PDE8B: variants seen among roughly 807,000 people sequenced by gnomAD.
PDE8B encodes high affinity cAMP-specific and IBMX-insensitive 3',5'-cyclic phosphodiesterase 8B.
A neutral mutation model predicts 101.3 loss-of-function variants in PDE8B; 26 were observed. The ratio of observed to expected loss-of-function variants is 0.26; its 90% confidence interval spans 0.19 to 0.36. The LOEUF (loss-of-function observed/expected upper bound fraction) is 0.36. PDE8B is among the 10% of genes least tolerant of loss of function. The probability of loss-of-function intolerance (pLI) is 1.00; values close to 1 mark genes in which losing one functional copy is unlikely to be tolerated. For synonymous variants in PDE8B, 424 were observed against 429.3 expected (o/e 0.99, Z 0.15); for missense variants, 810 against 1,163.1 (o/e 0.70, Z 4.42).
At chr5:77,187,097 C>A in the PDE8B span, among the ~76,000 whole-genome samples, 33 of 152,184 alleles carry the variant, frequency 2.2e-4, no homozygotes, top group African/African-American at 7.7e-4. Flanking sequence ...ATGTTTTCAA[C>A]ATTTGTTGAA....
the PDE8B span, chr5:77,100,310 G>A: frequency 6.6e-6 from 1 of 152,216 alleles, no homozygotes; most frequent in Non-Finnish European, 1.5e-5. Context: ...TGCAATTTCT[G>A]TTAACATGCA....
chr5:77,293,070 C>T (rs1041122975), intron 1 of PDE8B, among the ~76,000 whole-genome samples: 1 of 151,864 alleles, frequency 6.6e-6, no homozygotes, highest in Non-Finnish European at 1.5e-5. Flanking sequence ...TATAGTTAAC[C>T]AGTTATCTCA....
chr5:77,097,689 ATATCTATATATATATATC>A, the PDE8B span, among the ~76,000 whole-genome samples: 1,098 of 23,216 alleles, frequency 0.047, 82 homozygotes, highest in African/African-American at 0.1. Context: ...GAGATTTTAT[ATATCTATATATATATATC>A]TATATATATA....
chr5:77,259,399 C>A (rs889300895), intron 1 of PDE8B, among the ~76,000 whole-genome samples: 1 of 152,154 alleles, frequency 6.6e-6, no homozygotes, highest in Non-Finnish European at 1.5e-5. Context: ...CAGCTCCAGG[C>A]AGCTCCCATC....
the PDE8B span, among the ~76,000 whole-genome samples, chr5:77,186,222 T>C: frequency 6.6e-6 from 1 of 152,160 alleles, no homozygotes; most frequent in African/African-American, 2.4e-5. Flanking sequence ...ATGTATTTGT[T>C]AGTATGGCAG....
rs529474878 is a variant in PDE8B, at chr5:77,333,938, G to T, written c.708+2479G>T. Reference sequence around the variant, plus strand: ...GACCACCTGGTGTTCTTCAGTGCTGGCCCTGATAGAGGCCATTTGCCCATT... The same window carrying T: ...GACCACCTGGTGTTCTTCAGTGCTGTCCCTGATAGAGGCCATTTGCCCATT... On this transcript the variant is annotated intron_variant, in intron 5 of 21. Transcript: ENST00000264917. 1.8e-4 allele frequency among the ~76,000 whole-genome samples: 27 copies of T among 152,334 alleles called. No homozygotes were observed. The South Asian group carries it at 5.4e-3, about 30-fold the overall frequency.
chr5:77,322,469 T>C (rs756067699), intron 2 of PDE8B, among the ~76,000 whole-genome samples: 4 of 152,166 alleles, frequency 2.6e-5, no homozygotes, highest in Non-Finnish European at 4.4e-5. Flanking sequence ...GAAGGCCTTA[T>C]CATGGTCTAG....
intron 1 of PDE8B, among the ~76,000 whole-genome samples, chr5:77,229,833 A>G (rs56098455): frequency 0.13 from 20,291 of 152,192 alleles, 1,912 homozygotes; most frequent in East Asian, 0.5. Flanking sequence ...TTGTTTATCC[A>G]TTCATCTATT....
At chr5:77,359,541 G>A (rs11744847) in intron 10 of PDE8B, among the ~76,000 whole-genome samples, 127,605 of 152,148 alleles carry the variant, frequency 0.84, 53,954 homozygotes, top group East Asian at 0.97. Flanking sequence ...CTGCTACATC[G>A]AGGATGTTTA....
chr5:77,257,694 G>A (rs1409970409), intron 1 of PDE8B, among the ~76,000 whole-genome samples: 1 of 151,954 alleles, frequency 6.6e-6, no homozygotes, highest in South Asian at 2.1e-4. Context: ...TCTGGGATAC[G>A]TGTGCAGGAT....
chr5:77,417,127 T>C (rs1342416318), intron 17 of PDE8B, among the ~76,000 whole-genome samples: 1 of 152,200 alleles, frequency 6.6e-6, no homozygotes, highest in Non-Finnish European at 1.5e-5. Context: ...GCATGGCTAC[T>C]AAATAAAATT....
chr5:77,415,351 A>ATTT lies in PDE8B; in HGVS notation c.1911+2064_1911+2066dup, dbSNP rs71606293. Among the ~76,000 whole-genome samples the ATTT allele has an allele frequency of 1.0e-2, 883 of 88,712 alleles. 13 individuals carry two copies. Among genetic ancestry groups the ATTT allele is most frequent in the South Asian group, 0.019 (43 of 2,280 alleles). 58.2% of individuals were successfully genotyped at this position (88,712 alleles called of 152,430 possible). ...CCTAATTTCTTTGTGATAAGCTAAA[A>ATTT]TTTTTTTTTTTTTTTTTTTTTTTTG... On this transcript the variant is annotated intron_variant, in intron 17 of 21. Transcript: ENST00000264917.
chr5:77,185,200 A>G, the PDE8B span, among the ~76,000 whole-genome samples: 1 of 152,258 alleles, frequency 6.6e-6, no homozygotes, highest in Admixed American at 6.5e-5. Context: ...AATGGTAAAT[A>G]CATAGCACTC....
chr5:77,204,340 G>A, the PDE8B span, among the ~76,000 whole-genome samples: 1,369 of 151,638 alleles, frequency 9.0e-3, 24 homozygotes, highest in African/African-American at 0.031. Context: ...GAACCTGGGA[G>A]GCGGAGGTTG....
At chr5:77,219,981 C>T (rs983072675) in intron 1 of PDE8B, among the ~76,000 whole-genome samples, 12 of 152,300 alleles carry the variant, frequency 7.9e-5, no homozygotes, top group Admixed American at 2.6e-4. Flanking sequence ...CATGCATGCA[C>T]GTGCACACAC....
intron 6 of PDE8B, 84 bp from the exon 7 acceptor site, chr5:77,344,769 G>C: frequency 1.1e-6 from 1 of 879,926 alleles, no homozygotes; most frequent in Middle Eastern, 2.6e-4. Flanking sequence ...GATGAACCTG[G>C]TATCTGTTTA....
At chr5:77,370,227 T>C (rs571750024) in intron 10 of PDE8B, among the ~76,000 whole-genome samples, 19 of 152,290 alleles carry the variant, frequency 1.2e-4, no homozygotes, top group Non-Finnish European at 2.2e-4. Flanking sequence ...CTTTGACAAA[T>C]GTATACACCT....
At chr5:77,155,579 T>C in the PDE8B span, among the ~76,000 whole-genome samples, 3 of 152,248 alleles carry the variant, frequency 2.0e-5, no homozygotes, top group Non-Finnish European at 4.4e-5. Context: ...TTTCCTGAGC[T>C]TGTGGTAAAG....
At chr5:77,108,059 C>G in the PDE8B span, among the ~76,000 whole-genome samples, 1 of 152,118 alleles carries the variant, frequency 6.6e-6, no homozygotes. Flanking sequence ...TGCATATATT[C>G]CTGCATTTAC....
Sources: gnomAD v4.1 joint callset for allele counts (sites outside exome capture counted in the v4.1 genomes callset) on GRCh38, gnomAD v4.1.1 for gene constraint, MANE v1.5 for transcripts, NCBI Gene and HGNC (gene_info 2026-07-23, HGNC 2026-07-21) for gene names.